Variants in CCDC148 observed in about 807,000 individuals in gnomAD.
The protein encoded by CCDC148 is coiled-coil domain containing 148, also known as coiled-coil domain-containing protein 148.
CCDC148 carries 89 observed loss-of-function variants against 85.7 expected under a neutral mutation model. That is an observed-to-expected ratio of 1.04 (90% CI 0.87 to 1.24). The LOEUF is 1.24. Ranked by LOEUF, CCDC148 falls within the 50% of genes most tolerant of loss-of-function variation. The pLI, the probability that CCDC148 is intolerant of heterozygous loss-of-function variation, is 0.00. For missense variants in CCDC148, 692 were observed against 671.7 expected (o/e 1.03, Z -0.33); for synonymous variants, 230 against 213.9 (o/e 1.08, Z -0.66).
intron 9 of CCDC148, among the ~76,000 whole-genome samples, chr2:158,265,948 A>G (rs565781950): frequency 3.9e-4 from 59 of 152,206 alleles, no homozygotes; most frequent in African/African-American, 1.3e-3. Context: ...CATCCTTAAT[A>G]TATCTAGACT....
At chr2:158,438,562 T>C (rs1308840815) in intron 1 of CCDC148, among the ~76,000 whole-genome samples, 2 of 152,164 alleles carry the variant, frequency 1.3e-5, no homozygotes, top group Non-Finnish European at 2.9e-5. Context: ...GACATAGGCA[T>C]GGGCAAGGAC....
At chr2:158,422,983 G>C (rs898933122) in intron 1 of CCDC148, among the ~76,000 whole-genome samples, 4 of 152,020 alleles carry the variant, frequency 2.6e-5, no homozygotes, top group Admixed American at 2.0e-4. Flanking sequence ...ATTCAGAATT[G>C]CTTCAAAGAG....
chr2:158,223,635 G>A (rs750543830), intron 10 of CCDC148, among the ~76,000 whole-genome samples: 2 of 152,164 alleles, frequency 1.3e-5, no homozygotes, highest in African/African-American at 2.4e-5. Flanking sequence ...CCAGAGGAAC[G>A]ACCAGGCAGC....
rs1199760084 is a variant in CCDC148, at chr2:158,348,045, C to T, written c.148-2727G>A. On this transcript the variant is annotated intron_variant, in intron 2 of 13. Coordinates refer to ENST00000283233, the MANE Select transcript of CCDC148 (RefSeq NM_138803.4). ...AGTGGGAATACAAAGTGATACAACC[C>T]CCATAGAAGGGAATTTGGAGATGCA... Among the ~76,000 whole-genome samples, 5 of 152,086 alleles carry T rather than the reference C, an allele frequency of 3.3e-5. No individual in the cohort carries two copies. The East Asian group carries it at 7.7e-4, about 23-fold the overall frequency.
chr2:158,276,554 TCAAAACAAAACAAAA>T (rs58603462), intron 9 of CCDC148, among the ~76,000 whole-genome samples: 5,117 of 149,958 alleles, frequency 0.034, 126 homozygotes, highest in East Asian at 0.065. Context: ...AGACTCAGTC[TCAAAACAAAACAAAA>T]CAAAACAAAA....
Position 158,172,108 on chromosome 2 carries a change from G to T in CCDC148, c.*5C>A, listed in dbSNP as rs780406911. The T allele has an allele frequency of 4.4e-6, 7 of 1,573,848 alleles. No individual in the cohort carries two copies. Among genetic ancestry groups the T allele is most frequent in the Non-Finnish European group, 6.0e-6 (7 of 1,164,580 alleles). On this transcript the variant is annotated 3_prime_UTR_variant, in exon 14 of 14. Transcript: ENST00000283233. Reference sequence around the variant, plus strand: ...CTCTTTACATATAGAATTTGAGGATGAGCTCTATATTTTAAATACAGTAGA... The same window carrying T: ...CTCTTTACATATAGAATTTGAGGATTAGCTCTATATTTTAAATACAGTAGA...
At chr2:158,235,311 G>A (rs754456517) in intron 10 of CCDC148, among the ~76,000 whole-genome samples, 1 of 152,162 alleles carries the variant, frequency 6.6e-6, no homozygotes, top group Non-Finnish European at 1.5e-5. Context: ...CAGGTCAAAT[G>A]ACAAGAATCC....
At chr2:158,361,909 G>A (rs937516991) in intron 1 of CCDC148, among the ~76,000 whole-genome samples, 1 of 148,248 alleles carries the variant, frequency 6.7e-6, no homozygotes, top group Non-Finnish European at 1.5e-5. Flanking sequence ...TCAGTGCGCT[G>A]TATTCAGGAG....
At chr2:158,181,564 G>T (rs994119496) in intron 11 of CCDC148, among the ~76,000 whole-genome samples, 1 of 152,068 alleles carries the variant, frequency 6.6e-6, no homozygotes, top group Non-Finnish European at 1.5e-5. Flanking sequence ...CCCAGACTTG[G>T]GGCTTTTAGG....
At chr2:158,372,303 C>A (rs931061982) in intron 1 of CCDC148, among the ~76,000 whole-genome samples, 17 of 151,954 alleles carry the variant, frequency 1.1e-4, no homozygotes, top group African/African-American at 3.6e-4. Flanking sequence ...GAAATTCTGA[C>A]CAGAAACTAT....
At chr2:158,261,245 G>A (rs1203887392) in intron 9 of CCDC148, among the ~76,000 whole-genome samples, 5 of 151,796 alleles carry the variant, frequency 3.3e-5, no homozygotes, top group Non-Finnish European at 4.4e-5. Flanking sequence ...CTTCAACAAA[G>A]CCAACGAAAA....
intron 11 of CCDC148, among the ~76,000 whole-genome samples, chr2:158,182,622 T>C (rs867280523): frequency 6.6e-6 from 1 of 152,070 alleles, no homozygotes; most frequent in Non-Finnish European, 1.5e-5. Flanking sequence ...CACAGTTGCA[T>C]TGGCTCCAAA....
chr2:158,276,059 T>C (rs1689926887), intron 9 of CCDC148, among the ~76,000 whole-genome samples: 1 of 152,158 alleles, frequency 6.6e-6, no homozygotes, highest in Non-Finnish European at 1.5e-5. Context: ...GATATGTGGT[T>C]CTAAGTTATT....
chr2:158,334,068 T>C (rs1324982702), intron 7 of CCDC148, among the ~76,000 whole-genome samples: 6 of 152,124 alleles, frequency 3.9e-5, no homozygotes, highest in Non-Finnish European at 8.8e-5. Flanking sequence ...TTATCAGATA[T>C]TTACAGTGAG....
chr2:158,442,603 C>T (rs1188443808), intron 1 of CCDC148, among the ~76,000 whole-genome samples: 1 of 152,186 alleles, frequency 6.6e-6, no homozygotes, highest in Non-Finnish European at 1.5e-5. Context: ...AGGATGATAG[C>T]AGGAAAAGAG....
chr2:158,315,160 C>T (rs1692221561), intron 7 of CCDC148, among the ~76,000 whole-genome samples: 1 of 152,168 alleles, frequency 6.6e-6, no homozygotes, highest in South Asian at 2.1e-4. Flanking sequence ...ATTGAACACA[C>T]CAAGTGTTTC....
intron 1 of CCDC148, among the ~76,000 whole-genome samples, chr2:158,359,311 T>C (rs914445296): frequency 6.6e-6 from 1 of 152,186 alleles, no homozygotes; most frequent in African/African-American, 2.4e-5. Context: ...AAGTAAATCA[T>C]GGATCACATG....
rs148814768 is a variant in CCDC148, at chr2:158,333,500, T to G, written c.764+5226A>C. 7.4e-3 allele frequency among the ~76,000 whole-genome samples: 1,127 copies of G among 152,234 alleles called. 19 individuals are homozygous for G. Among genetic ancestry groups the G allele is most frequent in the African/African-American group, 0.026 (1,075 of 41,556 alleles). ...GAAGAGAACGCATATTTTGTTGATT[T>G]GGGGTGGAGAGTTCTGTAGATGTCT... On this transcript the variant is annotated intron_variant, in intron 7 of 13. Coordinates refer to ENST00000283233, the MANE Select transcript of CCDC148 (RefSeq NM_138803.4).
chr2:158,309,657 G>T lies in CCDC148; in HGVS notation c.904-18C>A. 1 of 1,536,628 alleles carries T rather than the reference G, an allele frequency of 6.5e-7. No homozygotes were observed. The highest frequency in any genetic ancestry group is 1.4e-5 in the African/African-American group (1 of 72,916). ...TGTTCAACCTGAAAAGATAACAGAG[G>T]GTGAATACTTATCATTATGAAAATG... On this transcript the variant is annotated intron_variant, in intron 8 of 13. Transcript: ENST00000283233.
Sources: allele counts gnomAD v4.1 joint callset (sites outside exome capture counted in the v4.1 genomes callset), GRCh38; gene constraint gnomAD v4.1.1; transcripts MANE v1.5; gene names NCBI Gene and HGNC (gene_info 2026-07-23, HGNC 2026-07-21).